The following P3H2 variants were observed in gnomAD, a reference collection of about 807,000 sequenced individuals.
The protein encoded by P3H2 is prolyl 3-hydroxylase 2, also known as leprecan-like 1.
Under a neutral mutation model 87.0 loss-of-function variants are expected in P3H2, and 80 were observed. The observed-to-expected ratio is 0.92, with a 90% CI of 0.77 to 1.11. The LOEUF (loss-of-function observed/expected upper bound fraction) is 1.11, where lower values mean the gene tolerates loss of function less well. P3H2 is among the 50% of genes least tolerant of loss of function. P3H2 has a pLI of 0.00. For missense variants in P3H2, 1,001 were observed against 923.9 expected (o/e 1.08, Z -1.08); for synonymous variants, 367 against 359.3 (o/e 1.02, Z -0.24).
chr3:189,983,909 AT>A (rs5855292), intron 7 of P3H2, among the ~76,000 whole-genome samples: 71,405 of 151,448 alleles, frequency 0.47, 16,873 homozygotes, highest in Non-Finnish European at 0.48. Flanking sequence ...GACTTTTGTC[AT>A]TTTTAAATAA....
At chr3:189,979,194 C>A (rs1257298545) in intron 8 of P3H2, among the ~76,000 whole-genome samples, 1 of 151,918 alleles carries the variant, frequency 6.6e-6, no homozygotes, top group Admixed American at 6.6e-5. Flanking sequence ...GAGGCTGAGG[C>A]GAGCAGACTG....
chr3:190,081,001 G>C (rs894706869), intron 1 of P3H2, among the ~76,000 whole-genome samples: 19 of 152,202 alleles, frequency 1.2e-4, no homozygotes, highest in African/African-American at 3.6e-4. Context: ...CTGGCTGATA[G>C]TCACACTCAG....
chr3:190,095,586 A>G (rs114585318), intron 1 of P3H2, among the ~76,000 whole-genome samples: 2,455 of 148,874 alleles, frequency 0.016, 63 homozygotes, highest in African/African-American at 0.059. Flanking sequence ...AACAAAAACA[A>G]GTTGTGATTC....
At chr3:189,983,471 T>C (rs966056584) in intron 7 of P3H2, 18 of 268,894 alleles carry the variant, frequency 6.7e-5, no homozygotes, top group African/African-American at 3.9e-4. Context: ...GAGTGTCCAA[T>C]GGGGCCTGGA....
chr3:190,111,609 T>C (rs757319462), intron 1 of P3H2, among the ~76,000 whole-genome samples: 7 of 152,230 alleles, frequency 4.6e-5, no homozygotes, highest in Non-Finnish European at 1.0e-4. Context: ...AGCTTTCATC[T>C]GTGTATCAAA....
intron 1 of P3H2, among the ~76,000 whole-genome samples, chr3:190,048,219 G>T (rs1725865316): frequency 6.6e-6 from 1 of 152,220 alleles, no homozygotes; most frequent in South Asian, 2.1e-4. Flanking sequence ...GTTTGAGCCG[G>T]GTGTGGTGGT....
rs1262305402 is a variant in P3H2, at chr3:189,995,365, C to G, written c.558G>C (p.Gln186His). The part of the protein sequence containing the change: ...VANPEHMEMQ[Q>H]NIENYRATAG... ...CTGTCGCCCTGTAATTCTCAATGTTCTGCTGCATTTCCATGTGCTCAGGGT... is the reference window on the plus strand; with the variant it reads ...CTGTCGCCCTGTAATTCTCAATGTTGTGCTGCATTTCCATGTGCTCAGGGT... The change falls in exon 2 of 15, where the codon CAG becomes CAC. Residue 186 changes from glutamine to histidine, a missense_variant. Transcript: ENST00000319332. The G allele has an allele frequency of 6.2e-7, 1 of 1,614,074 alleles. No homozygotes were observed. Among genetic ancestry groups the G allele is most frequent in the East Asian group, 2.2e-5 (1 of 44,874 alleles).
At chr3:189,961,769 CTT>C (rs1461193108) in intron 14 of P3H2, among the ~76,000 whole-genome samples, 11 of 152,174 alleles carry the variant, frequency 7.2e-5, no homozygotes, top group African/African-American at 2.4e-4. Flanking sequence ...TTTTCTAGTA[CTT>C]TTCCATCAGA....
chr3:189,969,186 G>C, intron 13 of P3H2: 1 of 686,886 alleles, frequency 1.5e-6, no homozygotes, highest in Non-Finnish European at 2.7e-6. Flanking sequence ...CTGCTTCCTC[G>C]TGCTCCTTCC....
intron 1 of P3H2, among the ~76,000 whole-genome samples, chr3:190,017,235 A>G (rs1724784177): frequency 6.6e-6 from 1 of 152,134 alleles, no homozygotes; most frequent in African/African-American, 2.4e-5. Flanking sequence ...ACATACAGCA[A>G]TGTCATTTCT....
At position 189,960,943 on chromosome 3, in the gene P3H2, CT is replaced by C. The variant is rs10679470; in HGVS notation, c.2035-2940del. ...ACTTTACAAATATAAGGAAAACAAT[CT>C]TTTTTTTTTTTTTCAAGACAGAGTC... On this transcript the variant is annotated intron_variant, in intron 14 of 14. Transcript: ENST00000319332. Among the ~76,000 whole-genome samples the C allele has an allele frequency of 5.0e-3, 725 of 144,806 alleles. 2 individuals are homozygous for C. The highest frequency in any genetic ancestry group is 0.013 in the Admixed American group (192 of 14,514). The allele number at this position is 144,806 out of a possible 152,430, so 95.0% of individuals were successfully genotyped here.
intron 3 of P3H2, among the ~76,000 whole-genome samples, chr3:189,993,062 C>T (rs997263953): frequency 6.6e-6 from 1 of 152,110 alleles, no homozygotes; most frequent in Non-Finnish European, 1.5e-5. Context: ...CTGGCTCACG[C>T]CCGTAATCCC....
intron 1 of P3H2, among the ~76,000 whole-genome samples, chr3:190,096,476 C>CCTA (rs71675572): frequency 0.46 from 69,386 of 151,868 alleles, 18,615 homozygotes; most frequent in African/African-American, 0.75. Flanking sequence ...CCTGAGGCCT[C>CCTA]CTCACGCTTC....
At chr3:189,989,431 C>T (rs567245650) in intron 3 of P3H2, among the ~76,000 whole-genome samples, 2 of 152,126 alleles carry the variant, frequency 1.3e-5, no homozygotes, top group Non-Finnish European at 2.9e-5. Flanking sequence ...GCCCTGGAAT[C>T]GGGAATGGAA....
At chr3:190,002,030 G>A (rs1405501392) in intron 1 of P3H2, among the ~76,000 whole-genome samples, 3 of 152,098 alleles carry the variant, frequency 2.0e-5, no homozygotes, top group African/African-American at 2.4e-5. Context: ...TAAAGTATGG[G>A]CTTATGAATG....
intron 1 of P3H2, among the ~76,000 whole-genome samples, chr3:190,076,519 C>T (rs917791326): frequency 2.0e-5 from 3 of 152,188 alleles, no homozygotes; most frequent in Admixed American, 6.5e-5. Context: ...TTCACATATC[C>T]ACCTCCCTAG....
intron 1 of P3H2, 70 bp downstream of exon 1, chr3:190,120,182 A>C: frequency 6.5e-7 from 1 of 1,541,782 alleles, no homozygotes. Context: ...TGACGGGGGC[A>C]GCAGGGAGGG....
intron 8 of P3H2, among the ~76,000 whole-genome samples, chr3:189,977,365 G>T (rs1723383172): frequency 6.6e-6 from 1 of 152,212 alleles, no homozygotes; most frequent in African/African-American, 2.4e-5. Flanking sequence ...AGGAATAGAG[G>T]GCGTCCTCCA....
rs1008506779 is a variant in P3H2 at position 190,109,614 on chromosome 3, T to C, written c.480+10638A>G. 2.0e-5 allele frequency among the ~76,000 whole-genome samples: 3 copies of C among 152,294 alleles called. No individual in the cohort carries two copies. In the South Asian group the frequency reaches 6.2e-4, roughly 32 times the overall value. ...ATCAGTAGAGAAAACTATCTGGTCTTTTCCATAAGCTGAGTTACTGTAGCT... is the reference window on the plus strand; with the variant it reads ...ATCAGTAGAGAAAACTATCTGGTCTCTTCCATAAGCTGAGTTACTGTAGCT... On this transcript the variant is annotated intron_variant, in intron 1 of 14. Transcript: ENST00000319332.
Sources: allele counts gnomAD v4.1 joint callset (sites outside exome capture counted in the v4.1 genomes callset), GRCh38; gene constraint gnomAD v4.1.1; transcripts MANE v1.5; gene names NCBI Gene and HGNC (gene_info 2026-07-23, HGNC 2026-07-21).